Variants in MGAM2 observed in about 807,000 individuals in gnomAD.
The protein encoded by MGAM2 is probable maltase-glucoamylase 2.
In MGAM2, 98 loss-of-function variants were observed where a neutral mutation model predicts 96.1. That is an observed-to-expected ratio of 1.02 (90% confidence interval 0.87 to 1.21). The LOEUF is 1.21. Among genes scored for constraint, MGAM2 ranks in the 50% most tolerant of loss-of-function variants. The pLI is 0.00. For synonymous variants in MGAM2, 749 were observed against 414.8 expected (o/e 1.81, Z -9.79); for missense variants, 2,055 against 1,182.4 (o/e 1.74, Z -10.82).
At chr7:142,168,567 G>A (rs1163345763) in intron 26 of MGAM2, among the ~76,000 whole-genome samples, 2 of 152,146 alleles carry the variant, frequency 1.3e-5, no homozygotes, top group Non-Finnish European at 2.9e-5. Flanking sequence ...ACCACGCCCG[G>A]CCTCGAGAAT....
At chr7:142,183,192 T>C (rs1796593753) in intron 32 of MGAM2, 74 bp from the exon 33 acceptor site, 1 of 659,678 alleles carries the variant, frequency 1.5e-6, no homozygotes, top group African/African-American at 1.8e-5. Flanking sequence ...CACTATGAAC[T>C]ACTAAATTTT....
At position 142,148,132 on chromosome 7, in the gene MGAM2, TCAC is replaced by T. The variant is rs577532245; in HGVS notation, c.1634+568_1634+570del. 2.9e-4 allele frequency among the ~76,000 whole-genome samples: 44 copies of T among 151,686 alleles called. No homozygotes were observed. In the South Asian group the frequency reaches 8.8e-3, roughly 30 times the overall value. On this transcript the variant is annotated intron_variant, in intron 15 of 47. Transcript: ENST00000477922. The surrounding 1 kb of genome is among the most constrained non-coding windows in gnomAD (Gnocchi z 4.2). ...ACACGTGCACACACAACTATCACCA[TCAC>T]CACCACCATTACCTAACACCATCAC...
At chr7:142,190,511 T>A (rs1468400725) in intron 37 of MGAM2, among the ~76,000 whole-genome samples, 3 of 152,040 alleles carry the variant, frequency 2.0e-5, no homozygotes, top group Non-Finnish European at 2.9e-5. Flanking sequence ...TGACCCCAGG[T>A]GATCCACCTG....
At position 142,161,976 on chromosome 7, in the gene MGAM2, A is replaced by G. The variant is rs1176081702; in HGVS notation, c.2456A>G (p.Tyr819Cys). Reference protein sequence around the residue: ...VSKDAVTEKKYILYDFSVTSN... With the variant: ...VSKDAVTEKKCILYDFSVTSN... The stretch of plus-strand genomic sequence containing the variant: ...TTAGATGCTGTGACTGAAAAGAAGT[A>G]TATTCTATATGATTTCTCTGTTACC... Residue 819 changes from tyrosine to cysteine, a missense_variant, in exon 23 of 48, where the codon TAT becomes TGT. Physicochemically the swap from Tyr to Cys is radical, Grantham distance 194. Coordinates refer to ENST00000477922, the MANE Select transcript of MGAM2 (RefSeq NM_001293626.2). 4.3e-6 allele frequency: 3 copies of G among 697,730 alleles called. No homozygotes were observed. The highest frequency in any genetic ancestry group is 1.5e-5 in the South Asian group (1 of 66,238). The allele number at this position is 697,730 out of a possible 1,614,324, so 43.2% of individuals were successfully genotyped here.
At chr7:142,145,450 A>G (rs1795354238) in intron 14 of MGAM2, among the ~76,000 whole-genome samples, 1 of 151,554 alleles carries the variant, frequency 6.6e-6, no homozygotes, top group Non-Finnish European at 1.5e-5. Flanking sequence ...AACAGTTTAA[A>G]GCATCAGTGG....
intron 15 of MGAM2, among the ~76,000 whole-genome samples, chr7:142,152,730 C>A (rs4571655): frequency 0.29 from 43,428 of 152,030 alleles, 6,512 homozygotes; most frequent in Non-Finnish European, 0.32. Context: ...GAAACTGTGG[C>A]GTGGCTCAGG....
chr7:142,175,837 A>C, intron 32 of MGAM2, 57 bp downstream of exon 32: 1 of 684,632 alleles, frequency 1.5e-6, no homozygotes, highest in South Asian at 1.5e-5. Flanking sequence ...TGGTTCAAAA[A>C]TAGCACCATT....
chr7:142,163,093 T>C (rs1486088082), intron 23 of MGAM2, among the ~76,000 whole-genome samples: 1 of 152,186 alleles, frequency 6.6e-6, no homozygotes, highest in Non-Finnish European at 1.5e-5. Flanking sequence ...TCAAAACCCA[T>C]CCAAGTTGTG....
At chr7:142,217,957 A>T (rs1443406002) in intron 46 of MGAM2, among the ~76,000 whole-genome samples, 3 of 152,022 alleles carry the variant, frequency 2.0e-5, no homozygotes, top group African/African-American at 7.2e-5. Flanking sequence ...GGTGGCACAC[A>T]CCTATAGTCC....
intron 34 of MGAM2, among the ~76,000 whole-genome samples, chr7:142,185,588 G>A (rs926289524): frequency 1.3e-5 from 2 of 151,878 alleles, no homozygotes; most frequent in Non-Finnish European, 2.9e-5. Flanking sequence ...ACTTGCCCCT[G>A]GATGACAGTC....
chr7:142,135,142 A>G (rs1211019150), intron 7 of MGAM2, among the ~76,000 whole-genome samples: 1 of 152,188 alleles, frequency 6.6e-6, no homozygotes, highest in Non-Finnish European at 1.5e-5. Flanking sequence ...GAGAGCTGAC[A>G]TTTTGCAATT....
intron 46 of MGAM2, among the ~76,000 whole-genome samples, chr7:142,209,504 G>A (rs1413052716): frequency 6.6e-6 from 1 of 152,196 alleles, no homozygotes; most frequent in Non-Finnish European, 1.5e-5. Context: ...TAGAGTATGA[G>A]GAGAATCATT....
At position 142,114,216 on chromosome 7, in the gene MGAM2, G is replaced by GGAAGGA. The variant is rs1817303522; in HGVS notation, c.-1+2409_-1+2410insGAAGGA. Among the ~76,000 whole-genome samples, 4 of 68,038 alleles carry GGAAGGA rather than the reference G, an allele frequency of 5.9e-5. 1 individual carries two copies. The highest frequency in any genetic ancestry group is 5.5e-5 in the Non-Finnish European group (2 of 36,590). 44.6% of individuals were successfully genotyped at this position (68,038 alleles called of 152,430 possible). On this transcript the variant is annotated intron_variant, in intron 1 of 47. Transcript: ENST00000477922. ...AAAGAAAGAAAGAAAGAAAGAAAGA[G>GGAAGGA]AGAAAGAAAGAAAGAAATAGGAGAC... is the stretch of plus-strand genomic sequence containing the variant.
At chr7:142,205,216 T>TTTGGG (rs1797360127) in intron 45 of MGAM2, among the ~76,000 whole-genome samples, 1 of 152,092 alleles carries the variant, frequency 6.6e-6, no homozygotes, top group Non-Finnish European at 1.5e-5. Flanking sequence ...TTGATGGACA[T>TTTGGG]TTGGGTTGTT....
intron 44 of MGAM2, 108 bp downstream of exon 44, chr7:142,198,847 T>A (rs1202218386): frequency 8.3e-6 from 5 of 601,820 alleles, no homozygotes; most frequent in Non-Finnish European, 1.5e-5. Flanking sequence ...TAAACTAAAT[T>A]GCCAAACAGC....
At chr7:142,212,954 TGAAAAA>T (rs1303830491) in intron 46 of MGAM2, among the ~76,000 whole-genome samples, 2 of 151,752 alleles carry the variant, frequency 1.3e-5, no homozygotes, top group African/African-American at 4.8e-5. Flanking sequence ...CCTCAGAAAA[TGAAAAA>T]GAACAGAAAT....
At chr7:142,137,023 C>T (rs1257964908) in intron 8 of MGAM2, among the ~76,000 whole-genome samples, 2 of 152,150 alleles carry the variant, frequency 1.3e-5, no homozygotes, top group African/African-American at 4.8e-5. Context: ...TTTCCCCACT[C>T]CAAATCTTCC....
At chr7:142,137,406 T>C (rs1023996038) in intron 8 of MGAM2, 27 bp from the exon 9 acceptor site, 1 of 681,216 alleles carries the variant, frequency 1.5e-6, no homozygotes, top group African/African-American at 1.8e-5. Context: ...CATAAGATTC[T>C]AATTAATCTC....
At chr7:142,152,052 TA>T (rs1269892018) in intron 15 of MGAM2, among the ~76,000 whole-genome samples, 2 of 150,786 alleles carry the variant, frequency 1.3e-5, no homozygotes, top group African/African-American at 4.8e-5. Flanking sequence ...CGAAGGAGAC[TA>T]GAGTCTTTCA....
Sources: allele counts gnomAD v4.1 joint callset (sites outside exome capture counted in the v4.1 genomes callset), GRCh38; gene constraint gnomAD v4.1.1; non-coding constraint Gnocchi (gnomAD v3.1); transcripts MANE v1.5; gene names NCBI Gene and HGNC (gene_info 2026-07-23, HGNC 2026-07-21).